The following TFAP4 variants were observed in gnomAD, a reference collection of about 807,000 sequenced individuals.
TFAP4 encodes transcription factor AP-4, also known as activating enhancer-binding protein 4.
In TFAP4, 7 loss-of-function variants were observed where a neutral mutation model predicts 40.4. That is an observed-to-expected ratio of 0.17 (90% CI 0.10 to 0.33). TFAP4 has a LOEUF of 0.33. Ranked by LOEUF, TFAP4 falls within the 10% of genes least tolerant of loss-of-function variation. The pLI is 1.00. For synonymous variants in TFAP4, 218 were observed against 181.4 expected (o/e 1.20, Z -1.62); for missense variants, 374 against 451.1 (o/e 0.83, Z 1.55).
chr16:4,271,659 C>G (rs1247147718), intron 1 of TFAP4, among the ~76,000 whole-genome samples: 1 of 152,162 alleles, frequency 6.6e-6, no homozygotes, highest in African/African-American at 2.4e-5. Context: ...GCCACCCACC[C>G]GGCTGGGGGA....
chr16:4,272,084 T>C (rs2053044832), intron 1 of TFAP4, among the ~76,000 whole-genome samples: 1 of 148,568 alleles, frequency 6.7e-6, no homozygotes, highest in Non-Finnish European at 1.5e-5. Context: ...CCCCTCGGGG[T>C]CCGCCCACCC....
Position 4,257,674 on chromosome 16 carries a change from A to T in TFAP4, c.*381T>A. 5.7e-6 allele frequency: 1 copy of T among 176,798 alleles called. No homozygotes were observed. The highest frequency in any genetic ancestry group is 1.2e-5 in the Non-Finnish European group (1 of 82,800). 11.0% of individuals were successfully genotyped at this position (176,798 alleles called of 1,614,324 possible). A position where few individuals can be genotyped will look rare whatever the true frequency, so the allele number is the denominator to read the frequency against. On this transcript the variant is annotated 3_prime_UTR_variant, in exon 7 of 7. Transcript: ENST00000204517. ...AAGGGGATTGAAGGCTGACAATCCCAGGCTGGCTCTGGGCAGGGAAGAAAT... is the reference window on the plus strand; with the variant it reads ...AAGGGGATTGAAGGCTGACAATCCCTGGCTGGCTCTGGGCAGGGAAGAAAT...
chr16:4,271,083 G>A (rs1335913816), intron 1 of TFAP4, among the ~76,000 whole-genome samples: 1 of 152,274 alleles, frequency 6.6e-6, no homozygotes, highest in Non-Finnish European at 1.5e-5. Context: ...GGGCCCTCCA[G>A]GTGGGCCTCG....
Position 4,260,082 on chromosome 16 carries a change from T to G in TFAP4, c.822+8A>C. ...CCCACAAGCTGCCCCTTTCTCAAGCTCAGGTACCTGCACGATGGTGTCCAG... is the reference window on the plus strand; with the variant it reads ...CCCACAAGCTGCCCCTTTCTCAAGCGCAGGTACCTGCACGATGGTGTCCAG... On this transcript the variant is annotated splice_region_variant and intron_variant, in intron 6 of 6. Coordinates refer to ENST00000204517, the MANE Select transcript of TFAP4 (RefSeq NM_003223.3). 1 of 1,607,824 alleles carries G rather than the reference T, an allele frequency of 6.2e-7. No homozygotes were observed. Among genetic ancestry groups the G allele is most frequent in the Non-Finnish European group, 8.5e-7 (1 of 1,177,878 alleles).
intron 6 of TFAP4, chr16:4,258,550 C>CGAGATCT: frequency 3.9e-6 from 1 of 256,944 alleles, no homozygotes; most frequent in South Asian, 1.3e-4. Context: ...TAGCTGGAAC[C>CGAGATCT]ACAGGGGTGC....
intron 1 of TFAP4, 130 bp from the exon 2 acceptor site, chr16:4,262,831 G>T: frequency 9.3e-7 from 1 of 1,071,170 alleles, no homozygotes. Flanking sequence ...GAGTGATGGA[G>T]GGGTGCTCTC....
rs750188115 is a variant in TFAP4 at position 4,260,282 on chromosome 16, T to G, written c.667-37A>C. On this transcript the variant is annotated intron_variant, in intron 5 of 6. Transcript: ENST00000204517. ...AGGCCCTCAGCCTTTCTCTCAAGGCTTCTCTTGGCCCATCCACCTCCCTTT... is the reference window on the plus strand; with the variant it reads ...AGGCCCTCAGCCTTTCTCTCAAGGCGTCTCTTGGCCCATCCACCTCCCTTT... 2.6e-6 allele frequency: 4 copies of G among 1,527,506 alleles called. No homozygotes were observed. The African/African-American group carries it at 5.6e-5, about 21-fold the overall frequency. 94.6% of individuals were successfully genotyped at this position (1,527,506 alleles called of 1,614,324 possible).
intron 4 of TFAP4, 46 bp from the exon 5 acceptor site, chr16:4,260,641 C>G (rs753032523): frequency 6.5e-7 from 1 of 1,537,968 alleles, no homozygotes; most frequent in Non-Finnish European, 8.7e-7. Flanking sequence ...CGGGAGCACA[C>G]CCTGCCCTGT....
chr16:4,260,034 G>C, intron 6 of TFAP4, 56 bp downstream of exon 6: 2 of 1,557,674 alleles, frequency 1.3e-6, no homozygotes, highest in Non-Finnish European at 1.7e-6. Context: ...CTCCCCTAAA[G>C]AGCCTGTTCC....
chr16:4,260,301 T>TCA, intron 5 of TFAP4, 56 bp from the exon 6 acceptor site: 4 of 1,514,628 alleles, frequency 2.6e-6, no homozygotes, highest in Non-Finnish European at 3.5e-6. Context: ...CCCATCCACC[T>TCA]CCCTTTCATG....
rs2053051332 is a variant in TFAP4, at chr16:4,272,945, GGCGTGTGTATGTGT to G, written c.-213_-200del. The G allele has an allele frequency of 2.0e-6, 1 of 508,340 alleles. No homozygotes were observed. Among genetic ancestry groups the G allele is most frequent in the Non-Finnish European group, 3.6e-6 (1 of 281,404 alleles). 31.5% of individuals were successfully genotyped at this position (508,340 alleles called of 1,614,324 possible). ...GAGGTCTCTCCGGCCTGCCTCCCCG[GGCGTGTGTATGTGT>G]GTGTGTGTGTGTGTGTGTGTGTGTG... On this transcript the variant is annotated 5_prime_UTR_variant, in exon 1 of 7. Transcript: ENST00000204517.
rs1404741631 is a variant in TFAP4 at position 4,272,960 on chromosome 16, G to A, written c.-214C>T. The stretch of plus-strand genomic sequence containing the variant: ...TGCCTCCCCGGGCGTGTGTATGTGT[G>A]TGTGTGTGTGTGTGTGTGTGTGTGT... On this transcript the variant is annotated 5_prime_UTR_variant, in exon 1 of 7. Transcript: ENST00000204517. 30 of 73,568 alleles carry A rather than the reference G, an allele frequency of 4.1e-4. No homozygotes were observed. The East Asian group carries it at 4.4e-3, about 11-fold the overall frequency. 4.6% of individuals were successfully genotyped at this position (73,568 alleles called of 1,614,324 possible).
intron 6 of TFAP4, among the ~76,000 whole-genome samples, chr16:4,259,690 G>A (rs1360891809): frequency 1.3e-5 from 2 of 152,252 alleles, no homozygotes; most frequent in Non-Finnish European, 2.9e-5. Flanking sequence ...CTCTGTAGGA[G>A]GCCCAACTAT....
chr16:4,258,553 AGGGGTG>A, intron 6 of TFAP4: 1 of 253,174 alleles, frequency 3.9e-6, no homozygotes, highest in South Asian at 1.3e-4. Context: ...CTGGAACCAC[AGGGGTG>A]CGCCACCATC....
intron 6 of TFAP4, among the ~76,000 whole-genome samples, chr16:4,259,133 TTTTG>T (rs1381857650): frequency 2.0e-5 from 3 of 151,920 alleles, no homozygotes; most frequent in East Asian, 1.9e-4. Context: ...TTTCATATGT[TTTTG>T]TTTGTTTGTT....
At chr16:4,262,138 C>T (rs2052955327) in intron 3 of TFAP4, 186 bp downstream of exon 3, 3 of 889,084 alleles carry the variant, frequency 3.4e-6, no homozygotes, top group African/African-American at 1.7e-5. Context: ...CACCTGGCTC[C>T]TTCCAGAGCC....
chr16:4,265,278 G>A (rs1341059607), intron 1 of TFAP4: 1 of 152,228 alleles, frequency 6.6e-6, no homozygotes, highest in Non-Finnish European at 1.5e-5. Flanking sequence ...CCGGCCCACA[G>A]AGCCAGATGC....
In TFAP4 at chr16:4,272,722, G is replaced by T; in HGVS notation, c.25C>A (p.Gln9Lys). The change falls in exon 1 of 7, where the codon CAG becomes AAG. Residue 9 changes from glutamine (Q) to lysine (K), a missense_variant. Around this residue, in one of 6 missense-constraint regions of TFAP4, gnomAD observed 51 missense variants for 59.3 expected, o/e 0.86. Transcript: ENST00000204517. MEYFMVPT[Q>K]KVPSLQHFRK... ...AAATGTTGCAAAGAGGGCACCTTCT[G>T]AGTGGGCACCATGAAATACTCCATA... is the stretch of plus-strand genomic sequence containing the variant. 1.2e-6 allele frequency: 2 copies of T among 1,613,574 alleles called. No individual in the cohort carries two copies. Among genetic ancestry groups the T allele is most frequent in the Non-Finnish European group, 1.7e-6 (2 of 1,179,628 alleles).
Position 4,262,290 on chromosome 16 carries a change from C to T in TFAP4, c.354+34G>A, listed in dbSNP as rs535542035. 9.9e-6 allele frequency: 16 copies of T among 1,609,270 alleles called. No homozygotes were observed. In the Admixed American group the frequency reaches 2.0e-4, roughly 20 times the overall value. On this transcript the variant is annotated intron_variant, in intron 3 of 6. Transcript: ENST00000204517. ...TGGCTGGGTCCAAGGCATGCCCATG[C>T]CAGGGAGAGGGAGCCATGAAGGACA...
Sources: allele counts gnomAD v4.1 joint callset (sites outside exome capture counted in the v4.1 genomes callset), GRCh38; gene constraint gnomAD v4.1.1; regional missense constraint gnomAD v4.1.1; transcripts MANE v1.5; gene names NCBI Gene and HGNC (gene_info 2026-07-23, HGNC 2026-07-21).